The following MAN1A1 variants were observed in gnomAD, a reference collection of about 807,000 sequenced individuals.
The protein encoded by MAN1A1 is mannosidase alpha class 1A member 1.
Under a neutral mutation model 70.8 loss-of-function variants are expected in MAN1A1, and 29 were observed. That is an observed-to-expected ratio of 0.41 (90% CI 0.31 to 0.56). MAN1A1 has a LOEUF of 0.56. MAN1A1 is among the 20% of genes least tolerant of loss of function. The pLI is 0.29. For synonymous variants in MAN1A1, 349 were observed against 330.1 expected (o/e 1.06, Z -0.62); for missense variants, 747 against 841.3 (o/e 0.89, Z 1.39).
chr6:119,188,466 A>G lies in MAN1A1; in HGVS notation c.1658T>C (p.Met553Thr), dbSNP rs771332269. 2 of 1,613,998 alleles carry G rather than the reference A, an allele frequency of 1.2e-6. No homozygotes were observed. The highest frequency in any genetic ancestry group is 1.7e-6 in the Non-Finnish European group (2 of 1,179,922). ...ILRPEVMETYMYMWRLTHDPK... is the reference protein window; with the variant it reads ...ILRPEVMETYTYMWRLTHDPK... ...ATCATGAGTCAGTCTCCACATATAC[A>G]TGTAAGTCTCCATAACTTCTGGCCG... The change falls in exon 11 of 13, where the codon ATG (methionine) becomes ACG (threonine). Residue 553 changes from methionine to threonine, a missense_variant. Met to Thr is a moderately conservative substitution (Grantham distance 81). Around this residue, in one of 2 missense-constraint regions of MAN1A1, gnomAD observed 419 missense variants for 548.2 expected, o/e 0.76. Transcript: ENST00000368468.
intron 5 of MAN1A1, among the ~76,000 whole-genome samples, chr6:119,263,123 T>A (rs1044335873): frequency 6.6e-5 from 10 of 152,284 alleles, no homozygotes; most frequent in South Asian, 2.1e-4. Flanking sequence ...TGGTTCTCCT[T>A]GCTCCTTATC....
chr6:119,349,963 G>A (rs914558969), upstream of MAN1A1, among the ~76,000 whole-genome samples: 1 of 152,078 alleles, frequency 6.6e-6, no homozygotes, highest in Non-Finnish European at 1.5e-5. Context: ...TCGCGGGGCC[G>A]GGAGGCGCGA....
chr6:119,237,656 G>A (rs1774889832), intron 6 of MAN1A1, among the ~76,000 whole-genome samples: 1 of 152,136 alleles, frequency 6.6e-6, no homozygotes, highest in South Asian at 2.1e-4. Flanking sequence ...GCAGCAACCT[G>A]TATGAAGTCC....
chr6:119,255,743 A>G (rs570085156), intron 5 of MAN1A1, among the ~76,000 whole-genome samples: 1 of 152,326 alleles, frequency 6.6e-6, no homozygotes, highest in South Asian at 2.1e-4. Context: ...GTCATCTCAG[A>G]GACGGGTGAT....
intron 6 of MAN1A1, among the ~76,000 whole-genome samples, chr6:119,227,066 C>T (rs1002362768): frequency 6.6e-5 from 10 of 152,078 alleles, no homozygotes; most frequent in African/African-American, 2.4e-4. Flanking sequence ...ATAGTATATT[C>T]ATACAATGAA....
Position 119,349,208 on chromosome 6 carries a change from A to T in MAN1A1, c.-143T>A, listed in dbSNP as rs554862044. 7.6e-4 allele frequency: 924 copies of T among 1,217,626 alleles called. 7 individuals carry two copies. In the African/African-American group the frequency reaches 0.012, roughly 16 times the overall value. 75.4% of individuals were successfully genotyped at this position (1,217,626 alleles called of 1,614,324 possible). A position where few individuals can be genotyped will look rare whatever the true frequency, so the allele number is the denominator to read the frequency against. ...CTGGGCTGCGGATCCTCCCTGGGGG[A>T]ACAACTCCGCGCCGGGTCTTCTCCC... On this transcript the variant is annotated 5_prime_UTR_variant, in exon 2 of 13. Coordinates refer to ENST00000368468, the MANE Select transcript of MAN1A1 (RefSeq NM_005907.4).
chr6:119,248,576 T>C (rs1477381422), intron 5 of MAN1A1, among the ~76,000 whole-genome samples: 2 of 152,228 alleles, frequency 1.3e-5, no homozygotes, highest in African/African-American at 4.8e-5. Flanking sequence ...TGGTTGCTCA[T>C]TAGAATCATG....
chr6:119,319,782 C>T (rs1395909814), intron 2 of MAN1A1, among the ~76,000 whole-genome samples: 1 of 152,134 alleles, frequency 6.6e-6, no homozygotes, highest in Non-Finnish European at 1.5e-5. Flanking sequence ...AATGTTCTTT[C>T]CTGGCCTCTT....
intron 9 of MAN1A1, among the ~76,000 whole-genome samples, chr6:119,190,454 T>C (rs1312055002): frequency 6.6e-6 from 1 of 152,220 alleles, no homozygotes; most frequent in Non-Finnish European, 1.5e-5. Flanking sequence ...TTGCTTACTA[T>C]ATCTCTAAAT....
intron 8 of MAN1A1, among the ~76,000 whole-genome samples, chr6:119,198,206 T>C (rs1462709059): frequency 6.6e-6 from 1 of 152,154 alleles, no homozygotes; most frequent in African/African-American, 2.4e-5. Flanking sequence ...CTGGACAACA[T>C]GGTGAAACCC....
chr6:119,292,051 G>A (rs1317507763), intron 4 of MAN1A1, among the ~76,000 whole-genome samples: 2 of 151,930 alleles, frequency 1.3e-5, no homozygotes, highest in South Asian at 4.1e-4. Flanking sequence ...TGAGTACTGT[G>A]GCTCCTGATT....
chr6:119,277,658 C>T (rs1335726583), intron 5 of MAN1A1, among the ~76,000 whole-genome samples: 1 of 151,616 alleles, frequency 6.6e-6, no homozygotes, highest in African/African-American at 2.4e-5. Flanking sequence ...CTTATCTCTA[C>T]AAAAAAATAA....
intron 5 of MAN1A1, among the ~76,000 whole-genome samples, chr6:119,252,619 C>T (rs112320341): frequency 6.6e-6 from 1 of 151,980 alleles, no homozygotes; most frequent in Non-Finnish European, 1.5e-5. Flanking sequence ...TGGTGAAACC[C>T]CGTCTCTACT....
intron 8 of MAN1A1, among the ~76,000 whole-genome samples, chr6:119,200,225 T>C (rs1773680354): frequency 6.6e-6 from 1 of 152,166 alleles, no homozygotes; most frequent in Non-Finnish European, 1.5e-5. Context: ...TGTCTTGTTA[T>C]TATATATCAT....
At chr6:119,227,724 C>T (rs1774557840) in intron 6 of MAN1A1, among the ~76,000 whole-genome samples, 1 of 152,176 alleles carries the variant, frequency 6.6e-6, no homozygotes, top group Non-Finnish European at 1.5e-5. Flanking sequence ...CTGCCTTGGC[C>T]TCCTGAAGTG....
chr6:119,253,535 G>A (rs966629853), intron 5 of MAN1A1, among the ~76,000 whole-genome samples: 1 of 152,066 alleles, frequency 6.6e-6, no homozygotes, highest in African/African-American at 2.4e-5. Context: ...CTTTTTGCAG[G>A]GAAAACATTT....
At chr6:119,296,391 T>G (rs956560414) in intron 4 of MAN1A1, among the ~76,000 whole-genome samples, 1 of 152,178 alleles carries the variant, frequency 6.6e-6, no homozygotes, top group Non-Finnish European at 1.5e-5. Context: ...TCTTGGTAGG[T>G]ATTCCCTAGC....
At chr6:119,241,454 G>C (rs1775001071) in intron 6 of MAN1A1, among the ~76,000 whole-genome samples, 1 of 152,138 alleles carries the variant, frequency 6.6e-6, no homozygotes, top group African/African-American at 2.4e-5. Flanking sequence ...AGCAGCAGCA[G>C]TAGCTTCCCC....
At position 119,304,220 on chromosome 6, in the gene MAN1A1, A is replaced by G. The variant is rs6929866; in HGVS notation, c.701-2117T>C. ...TAAAAGTTGTAAATCTTATCTAATA[A>G]TAATGAGAAAGAAACCTGAAGACCC... On this transcript the variant is annotated intron_variant, in intron 3 of 12. Transcript: ENST00000368468. 9.7e-3 allele frequency among the ~76,000 whole-genome samples: 1,476 copies of G among 152,340 alleles called. 19 individuals carry two copies. The highest frequency in any genetic ancestry group is 0.034 in the African/African-American group (1,404 of 41,582).
Sources: gnomAD v4.1 joint callset for allele counts (sites outside exome capture counted in the v4.1 genomes callset) on GRCh38, gnomAD v4.1.1 for gene constraint, gnomAD v4.1.1 regional missense constraint, MANE v1.5 for transcripts, NCBI Gene and HGNC (gene_info 2026-07-23, HGNC 2026-07-21) for gene names.